PLEKHF2: variants seen among roughly 807,000 people sequenced by gnomAD.
The protein encoded by PLEKHF2 is pleckstrin homology and FYVE domain containing 2.
A neutral mutation model predicts 14.7 loss-of-function variants in PLEKHF2; 4 were observed. The ratio of observed to expected loss-of-function variants is 0.27; its 90% CI spans 0.13 to 0.62. The LOEUF is 0.62. Ranked by LOEUF, PLEKHF2 falls within the 20% of genes least tolerant of loss-of-function variation. The probability of loss-of-function intolerance (pLI) is 0.85; values close to 1 mark genes in which losing one functional copy is unlikely to be tolerated. For missense variants in PLEKHF2, 201 were observed against 307.7 expected (o/e 0.65, Z 2.60); for synonymous variants, 90 against 103.5 (o/e 0.87, Z 0.79).
At chr8:95,143,473 T>G (rs180913090) in intron 1 of PLEKHF2, among the ~76,000 whole-genome samples, 1 of 152,264 alleles carries the variant, frequency 6.6e-6, no homozygotes, top group African/African-American at 2.4e-5. Context: ...ATGAAACAAA[T>G]AGACTATAAG....
intron 1 of PLEKHF2, among the ~76,000 whole-genome samples, chr8:95,148,000 G>C (rs1441241474): frequency 6.6e-6 from 1 of 151,842 alleles, no homozygotes; most frequent in Non-Finnish European, 1.5e-5. Context: ...TTCAAATGAT[G>C]ATTTCCTAGA....
chr8:95,142,083 G>A (rs73264560), intron 1 of PLEKHF2, among the ~76,000 whole-genome samples: 77 of 152,036 alleles, frequency 5.1e-4, no homozygotes, highest in Middle Eastern at 3.4e-3. Flanking sequence ...TTATTTCCTA[G>A]TGTCTGCTTT....
rs747435276 is a variant in PLEKHF2, at chr8:95,154,804, T to TAATCA, written c.*10_*11insAATCA. 1.2e-6 allele frequency: 2 copies of TAATCA among 1,610,936 alleles called. No homozygotes were observed. Among genetic ancestry groups the TAATCA allele is most frequent in the Non-Finnish European group, 1.7e-6 (2 of 1,177,360 alleles). Reference sequence around the variant, plus strand: ...TGATAGCAGTGACTAAGGACACATTTGGGAGTATTTAATCAGGTGTGGCTA... The same window carrying TAATCA: ...TGATAGCAGTGACTAAGGACACATTTAATCAGGGAGTATTTAATCAGGTGTGGCTA... On this transcript the variant is annotated 3_prime_UTR_variant, in exon 2 of 2. Coordinates refer to ENST00000315367, the MANE Select transcript of PLEKHF2 (RefSeq NM_024613.4). The surrounding 1 kb of genome is among the most constrained non-coding windows in gnomAD (Gnocchi z 5.6).
chr8:95,136,999 G>A (rs775077610), intron 1 of PLEKHF2, among the ~76,000 whole-genome samples: 7 of 152,192 alleles, frequency 4.6e-5, no homozygotes, highest in Non-Finnish European at 7.3e-5. Context: ...GCTCAATTTA[G>A]GGAGGTCCTG....
chr8:95,141,409 C>T (rs1302424409), intron 1 of PLEKHF2, among the ~76,000 whole-genome samples: 3 of 152,280 alleles, frequency 2.0e-5, no homozygotes, highest in African/African-American at 7.2e-5. Context: ...CAGATCAGGC[C>T]ACTCCTTCCA....
chr8:95,141,599 C>G (rs937850576), intron 1 of PLEKHF2, among the ~76,000 whole-genome samples: 1 of 152,024 alleles, frequency 6.6e-6, no homozygotes, highest in African/African-American at 2.4e-5. Context: ...GATCTTGGCT[C>G]ACTGCAACCT....
intron 1 of PLEKHF2, among the ~76,000 whole-genome samples, chr8:95,152,444 A>C (rs993422973): frequency 6.6e-6 from 1 of 152,110 alleles, no homozygotes; most frequent in Admixed American, 6.6e-5. Flanking sequence ...TAGTAAATTT[A>C]AAAATTTTTA....
intron 1 of PLEKHF2, among the ~76,000 whole-genome samples, chr8:95,144,867 G>GAA (rs35770837): frequency 7.1e-4 from 46 of 65,104 alleles, no homozygotes; most frequent in Non-Finnish European, 1.0e-3. Context: ...TCTGTCTCAA[G>GAA]AAAAAAAAAA....
intron 1 of PLEKHF2, among the ~76,000 whole-genome samples, chr8:95,144,405 T>A (rs566935700): frequency 6.6e-6 from 1 of 152,274 alleles, no homozygotes; most frequent in Non-Finnish European, 1.5e-5. Context: ...CCTTTTAGTA[T>A]TTGAAGAATC....
intron 1 of PLEKHF2, among the ~76,000 whole-genome samples, chr8:95,139,515 A>G (rs944152946): frequency 9.2e-5 from 14 of 152,192 alleles, no homozygotes; most frequent in African/African-American, 4.8e-5. Flanking sequence ...CTGTCAATCA[A>G]TCAATAAATG....
chr8:95,151,403 G>A lies in PLEKHF2; in HGVS notation c.-14-2628G>A, dbSNP rs193211269. Among the ~76,000 whole-genome samples the A allele has an allele frequency of 2.0e-3, 306 of 151,502 alleles. 2 individuals carry two copies. The highest frequency in any genetic ancestry group is 3.6e-3 in the Non-Finnish European group (243 of 67,836). ...TGCCAATGTCTTTTCCTGTTTTAGGGCCTTTGCAGTTACTCCTTTTGTCTG... is the reference window on the plus strand; with the variant it reads ...TGCCAATGTCTTTTCCTGTTTTAGGACCTTTGCAGTTACTCCTTTTGTCTG... On this transcript the variant is annotated intron_variant, in intron 1 of 1. Transcript: ENST00000315367.
intron 1 of PLEKHF2, among the ~76,000 whole-genome samples, chr8:95,147,472 A>G (rs1810512086): frequency 6.6e-6 from 1 of 152,018 alleles, no homozygotes; most frequent in African/African-American, 2.4e-5. Context: ...CAAAAACAAA[A>G]TTTACTTATT....
chr8:95,151,140 GCTT>G (rs2132110653), intron 1 of PLEKHF2, among the ~76,000 whole-genome samples: 1 of 152,174 alleles, frequency 6.6e-6, no homozygotes, highest in African/African-American at 2.4e-5. Flanking sequence ...ATTATTAGAT[GCTT>G]CTTTGGGGGA....
Position 95,156,264 on chromosome 8 carries a change from T to C in PLEKHF2, c.*1470T>C, listed in dbSNP as rs1447115656. 1 of 167,060 alleles carries C rather than the reference T, an allele frequency of 6.0e-6. No homozygotes were observed. Among genetic ancestry groups the C allele is most frequent in the Non-Finnish European group, 1.5e-5 (1 of 68,102 alleles). 10.3% of individuals were successfully genotyped at this position (167,060 alleles called of 1,614,324 possible). On this transcript the variant is annotated 3_prime_UTR_variant, in exon 2 of 2. Transcript: ENST00000315367. ...TCTTCAAATCTGAATATACCGCAAA[T>C]GTCATGAGAAGTTTGATTCAGTAAC...
chr8:95,146,276 A>G (rs1466145040), intron 1 of PLEKHF2, among the ~76,000 whole-genome samples: 1 of 152,190 alleles, frequency 6.6e-6, no homozygotes. Context: ...CAAGATTAGA[A>G]TCCAGGTCCT....
At chr8:95,143,076 A>C (rs1810454925) in intron 1 of PLEKHF2, among the ~76,000 whole-genome samples, 1 of 151,336 alleles carries the variant, frequency 6.6e-6, no homozygotes, top group Admixed American at 6.6e-5. Flanking sequence ...TGCAAATACA[A>C]AGTTGGAGGA....
chr8:95,156,417 A>G lies in PLEKHF2; in HGVS notation c.*1623A>G, dbSNP rs1037405682. 2.4e-5 allele frequency: 4 copies of G among 167,014 alleles called. No individual in the cohort carries two copies. Among genetic ancestry groups the G allele is most frequent in the African/African-American group, 9.6e-5 (4 of 41,452 alleles). 10.3% of individuals were successfully genotyped at this position (167,014 alleles called of 1,614,324 possible). On this transcript the variant is annotated 3_prime_UTR_variant, in exon 2 of 2. Coordinates refer to ENST00000315367, the MANE Select transcript of PLEKHF2 (RefSeq NM_024613.4). ...GGAAATGTGAAAGAAAAGCACAACA[A>G]AACTAGGGTTTTTTGTTCATTTGCT...
chr8:95,151,524 C>T (rs947490090), intron 1 of PLEKHF2, among the ~76,000 whole-genome samples: 1 of 151,362 alleles, frequency 6.6e-6, no homozygotes, highest in Admixed American at 6.6e-5. Flanking sequence ...ACCATGTAGT[C>T]TGAATAGCTC....
At chr8:95,139,062 T>C (rs1221011377) in intron 1 of PLEKHF2, among the ~76,000 whole-genome samples, 5 of 152,228 alleles carry the variant, frequency 3.3e-5, no homozygotes, top group Admixed American at 2.0e-4. Context: ...AATATATGAA[T>C]ATCATTTTAA....
Sources: allele counts gnomAD v4.1 joint callset (sites outside exome capture counted in the v4.1 genomes callset), GRCh38; gene constraint gnomAD v4.1.1; non-coding constraint Gnocchi (gnomAD v3.1); transcripts MANE v1.5; gene names NCBI Gene and HGNC (gene_info 2026-07-23, HGNC 2026-07-21).